TM9SF1: variants seen among roughly 807,000 people sequenced by gnomAD.
The protein encoded by TM9SF1 is transmembrane 9 superfamily member 1, also known as MP70 protein family member.
TM9SF1 carries 25 observed loss-of-function variants against 52.4 expected under a neutral mutation model. The ratio of observed to expected loss-of-function variants is 0.48; its 90% confidence interval spans 0.35 to 0.67. The LOEUF (loss-of-function observed/expected upper bound fraction) is 0.67, where lower values mean the gene tolerates loss of function less well. TM9SF1 is among the 30% of genes least tolerant of loss of function. TM9SF1 has a pLI of 0.01. For missense variants in TM9SF1, 604 were observed against 780.3 expected, an observed-to-expected ratio of 0.77 and a Z score of 2.69; for synonymous variants, 284 against 299.8, an observed-to-expected ratio of 0.95 and a Z score of 0.55.
In TM9SF1 at chr14:24,194,893, T is replaced by C. The variant is rs1368868250; in HGVS notation, c.127A>G (p.Ile43Val). ...GGTCCCACTTTGTTGACATACAGAATAACAGGGTCGCCGGCCTTGTAGTGT... is the reference window on the plus strand; with the variant it reads ...GGTCCCACTTTGTTGACATACAGAACAACAGGGTCGCCGGCCTTGTAGTGT... ...VTHYKAGDPV[I>V]LYVNKVGPYH... Residue 43 changes from isoleucine (I) to valine (V), a missense_variant, in exon 2 of 6, where the codon ATT becomes GTT. Coordinates refer to ENST00000261789, the MANE Select transcript of TM9SF1 (RefSeq NM_006405.7). The C allele has an allele frequency of 3.1e-6, 5 of 1,614,226 alleles. No individual in the cohort carries two copies. Among genetic ancestry groups the C allele is most frequent in the Admixed American group, 1.7e-5 (1 of 60,022 alleles).
rs752818143 is a variant in TM9SF1, at chr14:24,192,918, C to T, written c.697G>A (p.Glu233Lys). Reference protein sequence around the residue: ...DDGGFFPRTLEIHWLSIINSM... With the variant: ...DDGGFFPRTLKIHWLSIINSM... ...TTGATGATGGACAACCAATGGATTT[C>T]CAGTGTTCGAGGAAAGAAACCACCA... Residue 233 changes from glutamate (E) to lysine (K), a missense_variant, in exon 3 of 6, where the codon GAA becomes AAA. By Grantham distance (56) the Glu-to-Lys change is moderately conservative (BLOSUM62 1). Around this residue, in one of 3 missense-constraint regions of TM9SF1, gnomAD observed 450 missense variants for 560.1 expected, o/e 0.80. Transcript: ENST00000261789. This position sits in a 1 kb window ranked among gnomAD's most constrained non-coding sequence, Gnocchi z 4.0. 4 of 1,614,102 alleles carry T rather than the reference C, an allele frequency of 2.5e-6. No individual in the cohort carries two copies. The highest frequency in any genetic ancestry group is 2.5e-6 in the Non-Finnish European group (3 of 1,180,002).
intron 2 of TM9SF1, 66 bp downstream of exon 2, chr14:24,194,609 T>C: frequency 4.9e-6 from 7 of 1,428,040 alleles, no homozygotes; most frequent in Non-Finnish European, 6.8e-6. Context: ...CCCTGAACCA[T>C]AAATGTAAGG....
chr14:24,195,210 C>T (rs1325251534), intron 1 of TM9SF1, 136 bp downstream of exon 1: 1 of 594,194 alleles, frequency 1.7e-6, no homozygotes, highest in Non-Finnish European at 3.0e-6. Context: ...CTCTCTCATC[C>T]TCCCAACCTG....
At position 24,194,827 on chromosome 14, in the gene TM9SF1, G is replaced by C. The variant is rs780304530; in HGVS notation, c.193C>G (p.Pro65Ala). 2.5e-6 allele frequency: 4 copies of C among 1,614,110 alleles called. No homozygotes were observed. The highest frequency in any genetic ancestry group is 1.3e-5 in the African/African-American group (1 of 74,938). Residue 65 changes from proline to alanine, a missense_variant, in exon 2 of 6, where the codon CCA becomes GCA. Physicochemically the swap from Pro to Ala is conservative, Grantham distance 27. Around this residue, in one of 3 missense-constraint regions of TM9SF1, gnomAD observed 450 missense variants for 560.1 expected, o/e 0.80. Transcript: ENST00000261789. ...CGTATCTTCTCAGGGCAGCAGACTGGAAGCTGATAGTAGTGGTAAGTTTCC... is the reference window on the plus strand; with the variant it reads ...CGTATCTTCTCAGGGCAGCAGACTGCAAGCTGATAGTAGTGGTAAGTTTCC... ...PQETYHYYQL[P>A]VCCPEKIRHK...
intron 4 of TM9SF1, chr14:24,191,826 TTG>T: frequency 5.1e-6 from 1 of 197,658 alleles, no homozygotes. Context: ...TTTTTTTTTT[TTG>T]AGACAGTCTC....
At chr14:24,193,650 G>A (rs1366251229) in intron 2 of TM9SF1, among the ~76,000 whole-genome samples, 4 of 150,756 alleles carry the variant, frequency 2.7e-5, no homozygotes, top group Non-Finnish European at 5.9e-5. Flanking sequence ...GTCGGGTGCG[G>A]AGGCTCATGC....
Position 24,193,170 on chromosome 14 carries a change from C to T in TM9SF1, c.445G>A (p.Gly149Ser), listed in dbSNP as rs781651056. The change falls in exon 3 of 6, where the codon GGT becomes AGT. Residue 149 changes from glycine to serine, a missense_variant. Physicochemically the swap from Gly to Ser is moderately conservative, Grantham distance 56 (BLOSUM62 0). Transcript: ENST00000261789. The part of the protein sequence containing the change: ...RGFVGYMEES[G>S]FLPHSHKIGL... ...ATCTTGTGGCTGTGTGGCAGGAAACCACTCTCCTCCATGTAGCCCACAAAG... is the reference window on the plus strand; with the variant it reads ...ATCTTGTGGCTGTGTGGCAGGAAACTACTCTCCTCCATGTAGCCCACAAAG... 65 of 1,613,976 alleles carry T rather than the reference C, an allele frequency of 4.0e-5. No homozygotes were observed. Among genetic ancestry groups the T allele is most frequent in the Non-Finnish European group, 5.2e-5 (61 of 1,180,028 alleles).
At position 24,190,556 on chromosome 14, in the gene TM9SF1, C is replaced by A. The variant is rs2234111; in HGVS notation, c.1251G>T (p.Thr417=). ...LPATTILLLL[T]VWLLVGFPLT... ...GGGGAAAGCCCACCAGCAGCCAAAC[C>A]GTCAGAAGCAGCAGGATGGTTGTGG... Residue 417 remains threonine, a synonymous_variant, in exon 5 of 6, where the codon ACG becomes ACT. Transcript: ENST00000261789. The A allele has an allele frequency of 5.6e-6, 9 of 1,614,138 alleles. No individual in the cohort carries two copies. Among genetic ancestry groups the A allele is most frequent in the Non-Finnish European group, 7.6e-6 (9 of 1,180,030 alleles).
chr14:24,189,846 T>C, intron 5 of TM9SF1, 38 bp from the exon 6 acceptor site: 2 of 1,557,902 alleles, frequency 1.3e-6, no homozygotes, highest in South Asian at 2.4e-5. Context: ...ATTAAAGGGC[T>C]GTGCACCATC....
intron 1 of TM9SF1, 60 bp from the exon 2 acceptor site, chr14:24,195,096 G>A (rs900472167): frequency 3.1e-6 from 4 of 1,307,314 alleles, no homozygotes; most frequent in Non-Finnish European, 2.1e-6. Flanking sequence ...CCCAGGTCAG[G>A]TGCCTCGAAC....
At position 24,192,212 on chromosome 14, in the gene TM9SF1, C is replaced by A; in HGVS notation, c.1112G>T (p.Arg371Leu). ...GGTGAGAATGATGTTCCACACCCAA[C>A]GCTCGCCTCCAATCTGCCGGTAGAA... ...SHFYRQIGGE[R>L]WVWNIILTTS... Residue 371 changes from arginine (R) to leucine (L), a missense_variant, in exon 4 of 6, where the codon CGT (arginine) becomes CTT (leucine). By Grantham distance (102) the Arg-to-Leu change is moderately radical. This residue lies in a region of TM9SF1 where 450 missense variants were observed against 560.1 expected (regional missense o/e 0.80). Coordinates refer to ENST00000261789, the MANE Select transcript of TM9SF1 (RefSeq NM_006405.7). This position sits in a 1 kb window ranked among gnomAD's most constrained non-coding sequence, Gnocchi z 4.0. 1.2e-6 allele frequency: 2 copies of A among 1,614,212 alleles called. No homozygotes were observed. The highest frequency in any genetic ancestry group is 1.7e-6 in the Non-Finnish European group (2 of 1,180,040).
chr14:24,193,376 T>C (rs184547396), intron 2 of TM9SF1, 107 bp from the exon 3 acceptor site: 12 of 1,283,050 alleles, frequency 9.4e-6, no homozygotes, highest in Non-Finnish European at 1.3e-5. Context: ...TGGATAATTC[T>C]TTTTTTTCGA....
At position 24,189,542 on chromosome 14, in the gene TM9SF1, T is replaced by G. The variant is rs1397765403; in HGVS notation, c.1694A>C (p.Gln565Pro). The change falls in exon 6 of 6, where the codon CAG (glutamine) becomes CCG (proline). Residue 565 changes from glutamine to proline, a missense_variant. Physicochemically the swap from Gln to Pro is moderately conservative, Grantham distance 76. Around this residue, in one of 3 missense-constraint regions of TM9SF1, gnomAD observed 107 missense variants for 180.5 expected, o/e 0.59. Coordinates refer to ENST00000261789, the MANE Select transcript of TM9SF1 (RefSeq NM_006405.7). ...ARRSNMSGAV[Q>P]TVEFFGYSLL... Reference sequence around the variant, plus strand: ...GGAGTAGCCGAAGAACTCTACTGTCTGTACTGCCCCAGACATGTTGGAGCG... The same window carrying G: ...GGAGTAGCCGAAGAACTCTACTGTCGGTACTGCCCCAGACATGTTGGAGCG... The G allele has an allele frequency of 6.2e-7, 1 of 1,614,196 alleles. No homozygotes were observed. Among genetic ancestry groups the G allele is most frequent in the Admixed American group, 1.7e-5 (1 of 60,020 alleles).
rs1179281635 is a variant in TM9SF1, at chr14:24,194,750, C to T, written c.270G>A (p.Glu90=). The T allele has an allele frequency of 6.2e-7, 1 of 1,614,236 alleles. No homozygotes were observed. Among genetic ancestry groups the T allele is most frequent in the South Asian group, 1.1e-5 (1 of 91,090 alleles). ...GEVLDGDRMA[E]SLYEIRFREN... Reference sequence around the variant, plus strand: ...CCCGAAAGCGGATCTCATACAAAGACTCAGCCATTCGGTCCCCATCCAGCA... The same window carrying T: ...CCCGAAAGCGGATCTCATACAAAGATTCAGCCATTCGGTCCCCATCCAGCA... The change falls in exon 2 of 6, where the codon GAG becomes GAA. Residue 90 remains glutamate, a synonymous_variant. Coordinates refer to ENST00000261789, the MANE Select transcript of TM9SF1 (RefSeq NM_006405.7).
At position 24,192,355 on chromosome 14, in the gene TM9SF1, G is replaced by A. The variant is rs905551434; in HGVS notation, c.969C>T (p.Gly323=). The A allele has an allele frequency of 6.2e-7, 1 of 1,613,252 alleles. No homozygotes were observed. Among genetic ancestry groups the A allele is most frequent in the Non-Finnish European group, 8.5e-7 (1 of 1,179,706 alleles). The part of the protein sequence containing the change: ...VGAQFLALGT[G]IIVMALLGMF... ...TGCCCAGCAGTGCCATGACAATAAT[G>A]CCTGCAGGACGGTAGCGGAAAGCCC... The change falls in exon 4 of 6, where the codon GGC becomes GGT. Residue 323 remains glycine, a splice_region_variant and synonymous_variant. Coordinates refer to ENST00000261789, the MANE Select transcript of TM9SF1 (RefSeq NM_006405.7). This position sits in a 1 kb window ranked among gnomAD's most constrained non-coding sequence, Gnocchi z 4.0.
At position 24,193,099 on chromosome 14, in the gene TM9SF1, G is replaced by A. The variant is rs2039348720; in HGVS notation, c.516C>T (p.Asp172=). ...HLDFHLEFHG[D]RIIFANVSVR... ...CTGAAACATTGGCAAATATAATTCG[G>A]TCTCCATGGAATTCTAGGTGGAAGT... Residue 172 remains aspartate, a synonymous_variant, in exon 3 of 6, where the codon GAC becomes GAT. Coordinates refer to ENST00000261789, the MANE Select transcript of TM9SF1 (RefSeq NM_006405.7). 1 of 1,614,016 alleles carries A rather than the reference G, an allele frequency of 6.2e-7. No individual in the cohort carries two copies. The highest frequency in any genetic ancestry group is 1.1e-5 in the South Asian group (1 of 91,084).
In TM9SF1 at chr14:24,189,272, C is replaced by G; in HGVS notation, c.*143G>C. 1.2e-6 allele frequency: 1 copy of G among 855,096 alleles called. No homozygotes were observed. Among genetic ancestry groups the G allele is most frequent in the Non-Finnish European group, 1.8e-6 (1 of 556,004 alleles). 53.0% of individuals were successfully genotyped at this position (855,096 alleles called of 1,614,324 possible). A position where few individuals can be genotyped will look rare whatever the true frequency, so the allele number is the denominator to read the frequency against. ...TAGAGATTTATAATTTCCAGGCCCTCTCTGGGGAAGGAATGCCCAAAGGGC... is the reference window on the plus strand; with the variant it reads ...TAGAGATTTATAATTTCCAGGCCCTGTCTGGGGAAGGAATGCCCAAAGGGC... On this transcript the variant is annotated 3_prime_UTR_variant, in exon 6 of 6. Coordinates refer to ENST00000261789, the MANE Select transcript of TM9SF1 (RefSeq NM_006405.7).
chr14:24,195,405 T>C lies in TM9SF1; in HGVS notation c.-77A>G. ...GCCTTCGCGCCCCCGTAGCTGCCTTTGGGCTCCTGCTGGGGTCTCTCCCAC... is the reference window on the plus strand; with the variant it reads ...GCCTTCGCGCCCCCGTAGCTGCCTTCGGGCTCCTGCTGGGGTCTCTCCCAC... On this transcript the variant is annotated 5_prime_UTR_variant, in exon 1 of 6. Transcript: ENST00000261789. The C allele has an allele frequency of 4.5e-6, 1 of 222,804 alleles. No individual in the cohort carries two copies. Among genetic ancestry groups the C allele is most frequent in the Non-Finnish European group, 9.0e-6 (1 of 110,662 alleles). 13.8% of individuals were successfully genotyped at this position (222,804 alleles called of 1,614,324 possible).
chr14:24,189,518 G>C lies in TM9SF1; in HGVS notation c.1718C>G (p.Ser573Cys), dbSNP rs761664180. The change falls in exon 6 of 6, where the codon TCC becomes TGC. Residue 573 changes from serine to cysteine, a missense_variant. Coordinates refer to ENST00000261789, the MANE Select transcript of TM9SF1 (RefSeq NM_006405.7). ...AVQTVEFFGYSLLTGYVFFLM... is the reference protein window; with the variant it reads ...AVQTVEFFGYCLLTGYVFFLM... ...GAAGAAGACATAACCAGTGAGTAAG[G>C]AGTAGCCGAAGAACTCTACTGTCTG... 25 of 1,614,088 alleles carry C rather than the reference G, an allele frequency of 1.5e-5. No homozygotes were observed. Among genetic ancestry groups the C allele is most frequent in the Non-Finnish European group, 2.0e-5 (24 of 1,180,042 alleles).
Sources: gnomAD v4.1 joint callset for allele counts (sites outside exome capture counted in the v4.1 genomes callset) on GRCh38, gnomAD v4.1.1 for gene constraint, gnomAD v4.1.1 regional missense constraint, Gnocchi (gnomAD v3.1) non-coding constraint, MANE v1.5 for transcripts, NCBI Gene and HGNC (gene_info 2026-07-23, HGNC 2026-07-21) for gene names.